The following GALNT12 variants were observed in gnomAD, a reference collection of about 807,000 sequenced individuals.
The protein encoded by GALNT12 is polypeptide N-acetylgalactosaminyltransferase 12, also known as UDP-GalNAc:polypeptide N-acetylgalactosaminyltransferase 12.
In GALNT12, 45 loss-of-function variants were observed where a neutral mutation model predicts 55.5. The ratio of observed to expected loss-of-function variants is 0.81; its 90% CI spans 0.64 to 1.04. The LOEUF (loss-of-function observed/expected upper bound fraction) is 1.04. GALNT12 is among the 50% of genes least tolerant of loss of function. The pLI is 0.00. For missense variants in GALNT12, 709 were observed against 754.8 expected (o/e 0.94, Z 0.71); for synonymous variants, 304 against 312.2 (o/e 0.97, Z 0.28).
At chr9:98,832,094 A>C (rs989421454) in intron 4 of GALNT12, 137 bp downstream of exon 4, 1 of 740,402 alleles carries the variant, frequency 1.4e-6, no homozygotes, top group African/African-American at 1.7e-5. Context: ...TTTTGCCCAG[A>C]GTATTTGTTT....
intron 7 of GALNT12, among the ~76,000 whole-genome samples, 198 bp from the exon 8 acceptor site, chr9:98,843,898 T>C (rs1836354071): frequency 6.6e-6 from 1 of 152,200 alleles, no homozygotes; most frequent in Non-Finnish European, 1.5e-5. Flanking sequence ...CAACTTAAAA[T>C]AGGGGTAAGG....
At position 98,849,126 on chromosome 9, in the gene GALNT12, CTG is replaced by C; in HGVS notation, c.*37_*38del. On this transcript the variant is annotated 3_prime_UTR_variant, in exon 10 of 10. Coordinates refer to ENST00000375011, the MANE Select transcript of GALNT12 (RefSeq NM_024642.5). ...GTATCAAGGAGCCCATCGAAGGAGACTGTGGAGCCAGGACTCTGCCCAACAAA... is the reference window on the plus strand; with the variant it reads ...GTATCAAGGAGCCCATCGAAGGAGACTGGAGCCAGGACTCTGCCCAACAAA... The C allele has an allele frequency of 6.2e-7, 1 of 1,612,650 alleles. No homozygotes were observed. Among genetic ancestry groups the C allele is most frequent in the Non-Finnish European group, 8.5e-7 (1 of 1,178,874 alleles).
chr9:98,840,172 C>G, intron 7 of GALNT12, 39 bp downstream of exon 7: 3 of 1,611,018 alleles, frequency 1.9e-6, no homozygotes, highest in Non-Finnish European at 1.7e-6. Flanking sequence ...GCAGGGACTT[C>G]CCTGGCCTCT....
At position 98,813,502 on chromosome 9, in the gene GALNT12, T is replaced by A. The variant is rs542668870; in HGVS notation, c.371+5433T>A. ...TCGGCTAAGCCATCCATTTAAAAAA[T>A]TTTTTTTTTTTTGAGATGGAGTTTT... On this transcript the variant is annotated intron_variant, in intron 1 of 9. Transcript: ENST00000375011. Among the ~76,000 whole-genome samples, 17 of 148,928 alleles carry A rather than the reference T, an allele frequency of 1.1e-4. No individual in the cohort carries two copies. The South Asian group carries it at 1.5e-3, about 13-fold the overall frequency.
intron 8 of GALNT12, among the ~76,000 whole-genome samples, chr9:98,845,288 CACCT>C (rs1442999973): frequency 1.3e-5 from 2 of 152,126 alleles, no homozygotes; most frequent in African/African-American, 4.8e-5. Context: ...TAAGAACACC[CACCT>C]GTGTCAGAAT....
intron 1 of GALNT12, among the ~76,000 whole-genome samples, chr9:98,816,012 G>C (rs1835602454): frequency 6.6e-6 from 1 of 152,190 alleles, no homozygotes; most frequent in Non-Finnish European, 1.5e-5. Context: ...AAAGGGTACT[G>C]TTATTACCAG....
chr9:98,842,776 C>T (rs762633619), intron 7 of GALNT12, among the ~76,000 whole-genome samples: 1 of 151,240 alleles, frequency 6.6e-6, no homozygotes, highest in African/African-American at 2.4e-5. Flanking sequence ...TGAGAGCCAC[C>T]GTTGTAACTT....
chr9:98,839,338 G>T (rs573435238), intron 6 of GALNT12, among the ~76,000 whole-genome samples: 2 of 152,134 alleles, frequency 1.3e-5, no homozygotes. Flanking sequence ...GCTTTTAATT[G>T]TTTAACATGA....
chr9:98,818,329 TCTC>T (rs1835661927), intron 1 of GALNT12, among the ~76,000 whole-genome samples: 1 of 152,080 alleles, frequency 6.6e-6, no homozygotes, highest in Admixed American at 6.6e-5. Context: ...TTCAAGCCAT[TCTC>T]CTGCCTCAGC....
chr9:98,833,761 GAC>G lies in GALNT12; in HGVS notation c.918-1484_918-1483del, dbSNP rs369984348. 5.3e-5 allele frequency among the ~76,000 whole-genome samples: 8 copies of G among 152,190 alleles called. No individual in the cohort carries two copies. In the South Asian group the frequency reaches 1.0e-3, roughly 20 times the overall value. On this transcript the variant is annotated intron_variant, in intron 4 of 9. Coordinates refer to ENST00000375011, the MANE Select transcript of GALNT12 (RefSeq NM_024642.5). ...CTCACTGAATAGGTTTGGAAACTGA[GAC>G]ACAGAGCAGGAGGCTCTAATCTAGG...
In GALNT12 at chr9:98,849,285, G is replaced by T. The variant is rs1412285224; in HGVS notation, c.*193G>T. 4.8e-6 allele frequency: 3 copies of T among 627,494 alleles called. No individual in the cohort carries two copies. The East Asian group carries it at 8.2e-5, about 17-fold the overall frequency. The allele number at this position is 627,494 out of a possible 1,614,324, so 38.9% of individuals were successfully genotyped here. On this transcript the variant is annotated 3_prime_UTR_variant, in exon 10 of 10. Transcript: ENST00000375011. ...TGAATAAGCTTTGTACTTATTTTGA[G>T]AACTTTTTAAATGTTCCAAAATACC...
At chr9:98,830,691 G>A (rs1046856065) in intron 3 of GALNT12, among the ~76,000 whole-genome samples, 1 of 152,252 alleles carries the variant, frequency 6.6e-6, no homozygotes, top group Non-Finnish European at 1.5e-5. Context: ...TAAATAAGCG[G>A]ATGTTGGTGG....
chr9:98,814,535 C>T (rs1297151960), intron 1 of GALNT12, among the ~76,000 whole-genome samples: 2 of 151,942 alleles, frequency 1.3e-5, no homozygotes, highest in African/African-American at 2.4e-5. Flanking sequence ...AATGGCGAAA[C>T]CACGTCTTTA....
chr9:98,808,381 A>AC (rs1043899783), intron 1 of GALNT12, among the ~76,000 whole-genome samples: 16 of 151,670 alleles, frequency 1.1e-4, no homozygotes, highest in Non-Finnish European at 2.2e-4. Context: ...TAAGGCGAGG[A>AC]CCCCCCAGCA....
chr9:98,828,120 G>A (rs1835902198), intron 3 of GALNT12, among the ~76,000 whole-genome samples: 1 of 152,216 alleles, frequency 6.6e-6, no homozygotes, highest in Admixed American at 6.5e-5. Context: ...GCAAAGGGCT[G>A]GAGGGGCAGG....
chr9:98,810,854 C>G (rs1167115875), intron 1 of GALNT12, among the ~76,000 whole-genome samples: 1 of 152,078 alleles, frequency 6.6e-6, no homozygotes, highest in African/African-American at 2.4e-5. Context: ...ACTAGGAATC[C>G]TTCCTTGCAT....
chr9:98,809,998 G>C (rs1016807913), intron 1 of GALNT12, among the ~76,000 whole-genome samples: 1 of 152,168 alleles, frequency 6.6e-6, no homozygotes, highest in Non-Finnish European at 1.5e-5. Context: ...AGGCCTGTTG[G>C]GTTATTCTTA....
At chr9:98,848,804 C>G in intron 9 of GALNT12, 148 bp from the exon 10 acceptor site, 1 of 910,928 alleles carries the variant, frequency 1.1e-6, no homozygotes, top group South Asian at 1.5e-5. Flanking sequence ...CCGGGACAGT[C>G]CTGAGTTGCT....
chr9:98,845,022 T>C (rs1272689947), intron 8 of GALNT12, among the ~76,000 whole-genome samples: 1 of 152,204 alleles, frequency 6.6e-6, no homozygotes, highest in Non-Finnish European at 1.5e-5. Context: ...CAATGCCACT[T>C]GAATATGAGG....
Sources: gnomAD v4.1 joint callset for allele counts (sites outside exome capture counted in the v4.1 genomes callset) on GRCh38, gnomAD v4.1.1 for gene constraint, MANE v1.5 for transcripts, NCBI Gene and HGNC (gene_info 2026-07-23, HGNC 2026-07-21) for gene names.